The following CDK6 variants were observed in gnomAD, a reference collection of about 807,000 sequenced individuals.
CDK6 encodes the protein cyclin-dependent kinase 6.
Under a neutral mutation model 37.1 loss-of-function variants are expected in CDK6, and 6 were observed. That is an observed-to-expected ratio of 0.16 (90% CI 0.09 to 0.32). The LOEUF is 0.32. Ranked by LOEUF, CDK6 falls within the 10% of genes least tolerant of loss-of-function variation. The probability of loss-of-function intolerance (pLI) is 1.00; values close to 1 mark genes in which losing one functional copy is unlikely to be tolerated. For missense variants in CDK6, 224 were observed against 418.9 expected, an observed-to-expected ratio of 0.53 and a Z score of 4.06; for synonymous variants, 160 against 161.3, an observed-to-expected ratio of 0.99 and a Z score of 0.06.
At chr7:92,792,550 T>C (rs565808678) in intron 2 of CDK6, among the ~76,000 whole-genome samples, 1 of 152,088 alleles carries the variant, frequency 6.6e-6, no homozygotes, top group Non-Finnish European at 1.5e-5. Context: ...TGACAGAAGA[T>C]TGTACCAATT....
Position 92,834,713 on chromosome 7 carries a change from G to A in CDK6, c.-367-1023C>T, listed in dbSNP as rs1215301217. Among the ~76,000 whole-genome samples the A allele has an allele frequency of 1.3e-5, 2 of 151,938 alleles. No individual in the cohort carries two copies. Among genetic ancestry groups the A allele is most frequent in the South Asian group, 2.1e-4 (1 of 4,804 alleles). On this transcript the variant is annotated intron_variant, in intron 1 of 7. Coordinates refer to ENST00000424848, the MANE Select transcript of CDK6 (RefSeq NM_001145306.2). This position sits in a 1 kb window ranked among gnomAD's most constrained non-coding sequence, Gnocchi z 4.6. Reference sequence around the variant, plus strand: ...GGGGGTTAAATCCTGCGCCTCCAGGGGTGAGAGAGAAGGTCTCTGTCCTCG... The same window carrying A: ...GGGGGTTAAATCCTGCGCCTCCAGGAGTGAGAGAGAAGGTCTCTGTCCTCG...
rs185715684 is a variant in CDK6, at chr7:92,780,621, C to T, written c.234-5790G>A. ...TAAAAATACAAAAAAATTAGCCGGG[C>T]GTGGTGGCAGGCGCCTGTAGTCCCA... is the stretch of plus-strand genomic sequence containing the variant. On this transcript the variant is annotated intron_variant, in intron 2 of 7. Transcript: ENST00000424848. Among the ~76,000 whole-genome samples, 145 of 151,780 alleles carry T rather than the reference C, an allele frequency of 9.6e-4. 1 individual carries two copies. Among genetic ancestry groups the T allele is most frequent in the African/African-American group, 3.2e-3 (134 of 41,414 alleles).
rs367657195 is a variant in CDK6 at position 92,729,481 on chromosome 7, C to T, written c.370-3688G>A. On this transcript the variant is annotated intron_variant, in intron 3 of 7. Transcript: ENST00000424848. ...GGACCCTCACTCTATCTTTTTAAAA[C>T]ATGCGACTCGCAAGCATGTTTCAAC... Among the ~76,000 whole-genome samples, 288 of 152,292 alleles carry T rather than the reference C, an allele frequency of 1.9e-3. 1 individual carries two copies. Among genetic ancestry groups the T allele is most frequent in the African/African-American group, 6.6e-3 (273 of 41,580 alleles).
At chr7:92,825,332 A>G (rs762685184) in intron 2 of CDK6, among the ~76,000 whole-genome samples, 4 of 152,152 alleles carry the variant, frequency 2.6e-5, no homozygotes, top group Admixed American at 6.5e-5. Context: ...TCTGTCATTT[A>G]GAAATACTTA....
At chr7:92,783,065 A>G (rs1800036401) in intron 2 of CDK6, among the ~76,000 whole-genome samples, 2 of 152,184 alleles carry the variant, frequency 1.3e-5, no homozygotes. Flanking sequence ...ATCCTTCCCA[A>G]GGAGCCAGGC....
At position 92,746,279 on chromosome 7, in the gene CDK6, TCA is replaced by T. The variant is rs1285373197; in HGVS notation, c.370-20488_370-20487del. 2.6e-5 allele frequency among the ~76,000 whole-genome samples: 4 copies of T among 152,336 alleles called. No homozygotes were observed. In the East Asian group the frequency reaches 7.7e-4, roughly 29 times the overall value. ...GGATTTCTCTGAGAAGTGAGAAGTCTCAGTCGCTGAACATATGTATTTTTAAT... is the reference window on the plus strand; with the variant it reads ...GGATTTCTCTGAGAAGTGAGAAGTCTGTCGCTGAACATATGTATTTTTAAT... On this transcript the variant is annotated intron_variant, in intron 3 of 7. Coordinates refer to ENST00000424848, the MANE Select transcript of CDK6 (RefSeq NM_001145306.2).
At position 92,819,813 on chromosome 7, in the gene CDK6, T is replaced by C. The variant is rs186906501; in HGVS notation, c.233+13278A>G. 7.3e-5 allele frequency among the ~76,000 whole-genome samples: 11 copies of C among 151,666 alleles called. No individual in the cohort carries two copies. The East Asian group carries it at 1.9e-3, about 27-fold the overall frequency. ...TACTGAGAGTAAATTCAGTAGACATTTGGAAAATAATATAGAAGTTTCTTT... is the reference window on the plus strand; with the variant it reads ...TACTGAGAGTAAATTCAGTAGACATCTGGAAAATAATATAGAAGTTTCTTT... On this transcript the variant is annotated intron_variant, in intron 2 of 7. Transcript: ENST00000424848.
At chr7:92,741,203 A>G (rs939718760) in intron 3 of CDK6, among the ~76,000 whole-genome samples, 3 of 152,222 alleles carry the variant, frequency 2.0e-5, no homozygotes, top group Non-Finnish European at 4.4e-5. Flanking sequence ...CGACAGAGAA[A>G]GGAGTAAGGC....
intron 4 of CDK6, among the ~76,000 whole-genome samples, chr7:92,715,345 C>G (rs750633326): frequency 1.3e-5 from 2 of 151,954 alleles, no homozygotes; most frequent in African/African-American, 2.4e-5. Flanking sequence ...ATTTACAGCC[C>G]CATTTTTAGA....
At chr7:92,709,892 T>G (rs1486064780) in intron 4 of CDK6, among the ~76,000 whole-genome samples, 1 of 152,200 alleles carries the variant, frequency 6.6e-6, no homozygotes, top group African/African-American at 2.4e-5. Flanking sequence ...TAAGCAATCA[T>G]TCTTAGTCTA....
At chr7:92,702,499 C>T (rs1412093240) in intron 4 of CDK6, among the ~76,000 whole-genome samples, 1 of 152,036 alleles carries the variant, frequency 6.6e-6, no homozygotes, top group African/African-American at 2.4e-5. Context: ...CCCTAATGTG[C>T]TGGGATTACA....
Position 92,775,174 on chromosome 7 carries a change from C to T in CDK6, c.234-343G>A, listed in dbSNP as rs575257553. ...TAATTTCAAAAACTTGATGTCTAGG[C>T]AAAATATGTTTCTTCTTAGCTCACA... On this transcript the variant is annotated intron_variant, in intron 2 of 7. Coordinates refer to ENST00000424848, the MANE Select transcript of CDK6 (RefSeq NM_001145306.2). Among the ~76,000 whole-genome samples the T allele has an allele frequency of 2.2e-4, 34 of 152,220 alleles. No individual in the cohort carries two copies. In the Middle Eastern group the frequency reaches 0.017, roughly 76 times the overall value.
chr7:92,675,201 A>G (rs1053414697), intron 4 of CDK6, among the ~76,000 whole-genome samples: 4 of 152,344 alleles, frequency 2.6e-5, no homozygotes, highest in East Asian at 1.9e-4. Context: ...TTCATTTTCA[A>G]TACTTCAGTC....
intron 4 of CDK6, among the ~76,000 whole-genome samples, chr7:92,683,729 T>C (rs1797389064): frequency 6.6e-6 from 1 of 152,166 alleles, no homozygotes; most frequent in Non-Finnish European, 1.5e-5. Flanking sequence ...GTCCCCACTA[T>C]ATTTTGTGCT....
At chr7:92,762,636 C>G (rs375436575) in intron 3 of CDK6, among the ~76,000 whole-genome samples, 2 of 151,068 alleles carry the variant, frequency 1.3e-5, no homozygotes, top group Non-Finnish European at 2.9e-5. Flanking sequence ...GGCACAATCT[C>G]GGCTCACTGC....
At chr7:92,761,830 G>A (rs1799463641) in intron 3 of CDK6, among the ~76,000 whole-genome samples, 1 of 152,218 alleles carries the variant, frequency 6.6e-6, no homozygotes, top group Non-Finnish European at 1.5e-5. Context: ...CTCCCCACTT[G>A]GGAGGATACC....
intron 3 of CDK6, among the ~76,000 whole-genome samples, chr7:92,733,910 TTGGCCTCAAATTCC>T (rs1320687230): frequency 6.6e-6 from 1 of 152,206 alleles, no homozygotes; most frequent in Admixed American, 6.5e-5. Flanking sequence ...GTTACCCAGG[TTGGCCTCAAATTCC>T]TGGCCTCAAG....
chr7:92,694,557 C>T (rs1440034765), intron 4 of CDK6, among the ~76,000 whole-genome samples: 2 of 152,138 alleles, frequency 1.3e-5, no homozygotes, highest in Admixed American at 6.5e-5. Context: ...CTGTGAAGAA[C>T]CTTTAAGAGT....
chr7:92,675,544 T>C (rs768918357), intron 4 of CDK6, among the ~76,000 whole-genome samples: 1 of 152,234 alleles, frequency 6.6e-6, no homozygotes, highest in Non-Finnish European at 1.5e-5. Context: ...TATTGACTTA[T>C]ATTCATAAAT....
Sources: allele counts gnomAD v4.1 joint callset (sites outside exome capture counted in the v4.1 genomes callset), GRCh38; gene constraint gnomAD v4.1.1; non-coding constraint Gnocchi (gnomAD v3.1); transcripts MANE v1.5; gene names NCBI Gene and HGNC (gene_info 2026-07-23, HGNC 2026-07-21).